Variants in EFNA5 observed in about 807,000 individuals in gnomAD.
The protein encoded by EFNA5 is ephrin A5.
In EFNA5, 5 loss-of-function variants were observed where a neutral mutation model predicts 22.9. That is an observed-to-expected ratio of 0.22 (90% confidence interval 0.11 to 0.46). The LOEUF is 0.46. EFNA5 is among the 20% of genes least tolerant of loss of function. The probability of loss-of-function intolerance (pLI) is 0.99; values close to 1 mark genes in which losing one functional copy is unlikely to be tolerated. For missense variants in EFNA5, 237 were observed against 293.3 expected, an observed-to-expected ratio of 0.81 and a Z score of 1.40; for synonymous variants, 113 against 112.2, an observed-to-expected ratio of 1.01 and a Z score of -0.04.
intron 1 of EFNA5, among the ~76,000 whole-genome samples, chr5:107,534,580 T>C (rs1276515500): frequency 6.6e-6 from 1 of 152,212 alleles, no homozygotes; most frequent in African/African-American, 2.4e-5. Context: ...GCTGACAACA[T>C]TCTACTAGTG....
At chr5:107,447,275 T>A (rs1350690311) in intron 1 of EFNA5, among the ~76,000 whole-genome samples, 1 of 152,136 alleles carries the variant, frequency 6.6e-6, no homozygotes, top group Non-Finnish European at 1.5e-5. Context: ...GACTAAATGA[T>A]GTTTCTCTAC....
At chr5:107,543,995 G>T (rs1446081810) in intron 1 of EFNA5, among the ~76,000 whole-genome samples, 1 of 152,158 alleles carries the variant, frequency 6.6e-6, no homozygotes, top group Non-Finnish European at 1.5e-5. Context: ...AGTGTGTTCT[G>T]GGCAGTCCAG....
chr5:107,670,937 T>G lies in EFNA5; in HGVS notation c.-324A>C, dbSNP rs2112568092. ...GCGGCGGCGAGGGCGGGGGAAGAGG[T>G]GCCAAGCTGTGTCTCGGGCGGCGGC... On this transcript the variant is annotated 5_prime_UTR_variant, in exon 1 of 5. Coordinates refer to ENST00000333274, the MANE Select transcript of EFNA5 (RefSeq NM_001962.3). 4.0e-6 allele frequency: 1 copy of G among 253,118 alleles called. No individual in the cohort carries two copies. Among genetic ancestry groups the G allele is most frequent in the Non-Finnish European group, 7.4e-6 (1 of 134,822 alleles). The allele number at this position is 253,118 out of a possible 1,614,324, so 15.7% of individuals were successfully genotyped here.
chr5:107,527,526 C>A (rs1419394996), intron 1 of EFNA5, among the ~76,000 whole-genome samples: 1 of 151,998 alleles, frequency 6.6e-6, no homozygotes, highest in Non-Finnish European at 1.5e-5. Context: ...ACCTTGTGAT[C>A]CACCCGCCTC....
At chr5:107,657,494 T>C (rs1257723963) in intron 1 of EFNA5, among the ~76,000 whole-genome samples, 1 of 152,168 alleles carries the variant, frequency 6.6e-6, no homozygotes, top group East Asian at 1.9e-4. Flanking sequence ...CAGTACTGTC[T>C]TGATTTACTA....
At chr5:107,561,110 T>C (rs1341782371) in intron 1 of EFNA5, among the ~76,000 whole-genome samples, 1 of 152,144 alleles carries the variant, frequency 6.6e-6, no homozygotes, top group East Asian at 1.9e-4. Flanking sequence ...CTCTACCTCT[T>C]TACAGGCCTG....
chr5:107,408,172 C>A (rs1748270728), intron 2 of EFNA5, among the ~76,000 whole-genome samples: 1 of 148,240 alleles, frequency 6.7e-6, no homozygotes, highest in African/African-American at 2.6e-5. Flanking sequence ...AAACAACGCA[C>A]ACACACACAC....
intron 1 of EFNA5, among the ~76,000 whole-genome samples, chr5:107,500,062 T>C (rs1197383840): frequency 6.6e-6 from 1 of 152,230 alleles, no homozygotes; most frequent in Non-Finnish European, 1.5e-5. Context: ...TTGACAGTGT[T>C]CTAACTAATG....
chr5:107,536,659 A>G (rs767805256), intron 1 of EFNA5, among the ~76,000 whole-genome samples: 23 of 152,214 alleles, frequency 1.5e-4, no homozygotes, highest in Non-Finnish European at 3.2e-4. Flanking sequence ...TTTAAAATAT[A>G]TCAAACAGGA....
chr5:107,518,238 C>A lies in EFNA5; in HGVS notation c.126-90729G>T, dbSNP rs145371637. On this transcript the variant is annotated intron_variant, in intron 1 of 4. Coordinates refer to ENST00000333274, the MANE Select transcript of EFNA5 (RefSeq NM_001962.3). ...GCGCCTAATGCTCCTTCAGTGTTTG[C>A]ATACACAACTGAGTAATTAGAAAGC... Among the ~76,000 whole-genome samples, 31 of 148,260 alleles carry A rather than the reference C, an allele frequency of 2.1e-4. No individual in the cohort carries two copies. The East Asian group carries it at 4.9e-3, about 24-fold the overall frequency.
intron 1 of EFNA5, among the ~76,000 whole-genome samples, chr5:107,603,735 A>T (rs901605470): frequency 2.6e-5 from 4 of 152,230 alleles, no homozygotes; most frequent in African/African-American, 7.2e-5. Context: ...GTCTGTCCTG[A>T]CACTCTAACC....
At chr5:107,645,628 G>C (rs1041296537) in intron 1 of EFNA5, among the ~76,000 whole-genome samples, 2 of 152,028 alleles carry the variant, frequency 1.3e-5, no homozygotes, top group Non-Finnish European at 2.9e-5. Flanking sequence ...ATTGGGCAGG[G>C]GTAGTTCTTT....
intron 1 of EFNA5, among the ~76,000 whole-genome samples, chr5:107,587,400 G>A (rs553950769): frequency 3.9e-5 from 6 of 152,264 alleles, no homozygotes; most frequent in African/African-American, 1.2e-4. Context: ...CAAGAAATAC[G>A]TACAGTTTTT....
chr5:107,606,660 T>C (rs1749732264), intron 1 of EFNA5, among the ~76,000 whole-genome samples: 1 of 151,964 alleles, frequency 6.6e-6, no homozygotes, highest in Non-Finnish European at 1.5e-5. Context: ...TTACATAATA[T>C]CTCTAAAACT....
At chr5:107,573,281 G>A (rs1748856061) in intron 1 of EFNA5, among the ~76,000 whole-genome samples, 1 of 152,018 alleles carries the variant, frequency 6.6e-6, no homozygotes, top group African/African-American at 2.4e-5. Flanking sequence ...AAAGAAACAT[G>A]CTTCATCTCC....
chr5:107,438,739 T>C (rs915199868), intron 1 of EFNA5, among the ~76,000 whole-genome samples: 1 of 152,134 alleles, frequency 6.6e-6, no homozygotes, highest in Non-Finnish European at 1.5e-5. Context: ...GCATTGTCCT[T>C]GGGCTTTACA....
At chr5:107,640,502 T>C (rs963734199) in intron 1 of EFNA5, among the ~76,000 whole-genome samples, 1 of 152,244 alleles carries the variant, frequency 6.6e-6, no homozygotes, top group African/African-American at 2.4e-5. Context: ...TGTGATTTAG[T>C]GATAGCAAGT....
At position 107,603,781 on chromosome 5, in the gene EFNA5, T is replaced by C. The variant is rs1488586363; in HGVS notation, c.125+66708A>G. The stretch of plus-strand genomic sequence containing the variant: ...GTGACTTATGTTAGCAAGTGAAAAC[T>C]GGTAGGCATGAAATTTCTTTTACAA... On this transcript the variant is annotated intron_variant, in intron 1 of 4. Transcript: ENST00000333274. Among the ~76,000 whole-genome samples the C allele has an allele frequency of 2.6e-5, 4 of 152,318 alleles. No individual in the cohort carries two copies. In the East Asian group the frequency reaches 7.7e-4, roughly 29 times the overall value.
intron 1 of EFNA5, among the ~76,000 whole-genome samples, chr5:107,610,635 A>G (rs1354329113): frequency 1.3e-5 from 2 of 152,184 alleles, no homozygotes; most frequent in Non-Finnish European, 2.9e-5. Context: ...AATTTTTGCA[A>G]TTGAAAAACT....
Sources: allele counts gnomAD v4.1 joint callset (sites outside exome capture counted in the v4.1 genomes callset), GRCh38; gene constraint gnomAD v4.1.1; transcripts MANE v1.5; gene names NCBI Gene and HGNC (gene_info 2026-07-23, HGNC 2026-07-21).